The following EXOC6B variants were observed in gnomAD, a reference collection of about 807,000 sequenced individuals.
EXOC6B encodes exocyst complex component 6B, also known as SEC15 homolog B.
EXOC6B carries 54 observed loss-of-function variants against 113.5 expected under a neutral mutation model. The observed-to-expected ratio is 0.48, with a 90% CI of 0.38 to 0.60. The LOEUF (loss-of-function observed/expected upper bound fraction) is 0.60, where lower values mean the gene tolerates loss of function less well. Ranked by LOEUF, EXOC6B falls within the 20% of genes least tolerant of loss-of-function variation. The pLI is 0.00. For synonymous variants in EXOC6B, 357 were observed against 339.0 expected, an observed-to-expected ratio of 1.05 and a Z score of -0.58; for missense variants, 797 against 977.5, an observed-to-expected ratio of 0.82 and a Z score of 2.46.
intron 18 of EXOC6B, among the ~76,000 whole-genome samples, chr2:72,413,481 G>A (rs1391298720): frequency 6.7e-6 from 1 of 150,260 alleles, no homozygotes. Flanking sequence ...AGGTCAGATC[G>A]AGACCATCCT....
intron 6 of EXOC6B, among the ~76,000 whole-genome samples, chr2:72,647,623 C>G (rs558386492): frequency 6.6e-6 from 1 of 152,234 alleles, no homozygotes; most frequent in Admixed American, 6.5e-5. Context: ...AGAAATAACA[C>G]CACACATCTA....
At chr2:72,779,109 C>A (rs1683881436) in intron 1 of EXOC6B, among the ~76,000 whole-genome samples, 1 of 151,782 alleles carries the variant, frequency 6.6e-6, no homozygotes. Context: ...CTTGCTAAAC[C>A]CCAAAACTAC....
At chr2:72,340,707 T>G (rs996797677) in intron 19 of EXOC6B, among the ~76,000 whole-genome samples, 1 of 152,174 alleles carries the variant, frequency 6.6e-6, no homozygotes, top group Non-Finnish European at 1.5e-5. Context: ...AAGATCATGT[T>G]AGGTCACATG....
rs745576828 is a variant in EXOC6B at position 72,718,084 on chromosome 2, T to A, written c.669+19A>T. ...ACTGATAAAGCCACTGGCCAACCTA[T>A]CATAAACCCAAGACCTACTTGCTTC... is the stretch of plus-strand genomic sequence containing the variant. On this transcript the variant is annotated intron_variant, in intron 6 of 21. Transcript: ENST00000272427. 2 of 1,584,088 alleles carry A rather than the reference T, an allele frequency of 1.3e-6. No individual in the cohort carries two copies. The highest frequency in any genetic ancestry group is 1.2e-5 in the South Asian group (1 of 85,034).
chr2:72,580,551 C>T (rs1005996263), intron 6 of EXOC6B, among the ~76,000 whole-genome samples: 1 of 152,168 alleles, frequency 6.6e-6, no homozygotes, highest in Admixed American at 6.5e-5. Context: ...TTTGCATTTA[C>T]ATACATTTCA....
At chr2:72,653,803 T>C (rs1219095811) in intron 6 of EXOC6B, among the ~76,000 whole-genome samples, 2 of 151,932 alleles carry the variant, frequency 1.3e-5, no homozygotes, top group Non-Finnish European at 2.9e-5. Context: ...ATATGCTTCA[T>C]TGGGATACAC....
intron 7 of EXOC6B, among the ~76,000 whole-genome samples, chr2:72,571,738 T>C (rs1282644720): frequency 6.6e-6 from 1 of 152,192 alleles, no homozygotes; most frequent in Non-Finnish European, 1.5e-5. Flanking sequence ...TCATCCTCAG[T>C]TCCCCAGGCT....
At chr2:72,548,678 T>C (rs941011638) in intron 8 of EXOC6B, among the ~76,000 whole-genome samples, 7 of 152,208 alleles carry the variant, frequency 4.6e-5, no homozygotes, top group African/African-American at 1.7e-4. Flanking sequence ...ATTTACTGAT[T>C]ATTACATACT....
intron 20 of EXOC6B, among the ~76,000 whole-genome samples, chr2:72,222,222 T>C (rs369763679): frequency 3.3e-5 from 5 of 152,268 alleles, no homozygotes; most frequent in African/African-American, 4.8e-5. Flanking sequence ...CTAGAAGATA[T>C]AGGGAATACT....
chr2:72,439,319 G>A (rs1401835867), intron 18 of EXOC6B, among the ~76,000 whole-genome samples: 1 of 152,168 alleles, frequency 6.6e-6, no homozygotes, highest in African/African-American at 2.4e-5. Context: ...AAGATACCCT[G>A]AAATACGTTT....
chr2:72,580,135 ATTTT>A (rs1205164863), intron 6 of EXOC6B, among the ~76,000 whole-genome samples: 4 of 93,766 alleles, frequency 4.3e-5, no homozygotes, highest in Middle Eastern at 7.0e-3. Flanking sequence ...AGAAATAAGA[ATTTT>A]TTTTTTTTTT....
At position 72,243,540 on chromosome 2, in the gene EXOC6B, C is replaced by A. The variant is rs1682460393; in HGVS notation, c.2197-59353G>T. Reference sequence around the variant, plus strand: ...TTCTCACTCATAGGTGGGAATGGAACAATGAGAACACCTGGACACAGGGTG... The same window carrying A: ...TTCTCACTCATAGGTGGGAATGGAAAAATGAGAACACCTGGACACAGGGTG... On this transcript the variant is annotated intron_variant, in intron 20 of 21. Transcript: ENST00000272427. 2.6e-5 allele frequency among the ~76,000 whole-genome samples: 4 copies of A among 152,118 alleles called. No individual in the cohort carries two copies. The South Asian group carries it at 8.3e-4, about 32-fold the overall frequency.
chr2:72,478,208 A>G (rs1258422629), intron 17 of EXOC6B, among the ~76,000 whole-genome samples: 2 of 152,216 alleles, frequency 1.3e-5, no homozygotes, highest in Non-Finnish European at 2.9e-5. Context: ...TTTATTATGG[A>G]GTAAATTAAT....
At chr2:72,451,912 A>G (rs1305390596) in intron 18 of EXOC6B, among the ~76,000 whole-genome samples, 1 of 152,244 alleles carries the variant, frequency 6.6e-6, no homozygotes, top group East Asian at 1.9e-4. Flanking sequence ...GACTACCATG[A>G]AAGTATTACA....
chr2:72,540,919 G>A lies in EXOC6B; in HGVS notation c.915+18534C>T, dbSNP rs191047349. 2.0e-3 allele frequency among the ~76,000 whole-genome samples: 305 copies of A among 152,204 alleles called. 1 individual carries two copies. Among genetic ancestry groups the A allele is most frequent in the Admixed American group, 6.1e-3 (93 of 15,284 alleles). ...GGTTTATGACAATGTGTTGCATTTCGTTGTCTTATCTCCTTGGCTTCTTTT... is the reference window on the plus strand; with the variant it reads ...GGTTTATGACAATGTGTTGCATTTCATTGTCTTATCTCCTTGGCTTCTTTT... On this transcript the variant is annotated intron_variant, in intron 8 of 21. Transcript: ENST00000272427.
chr2:72,741,466 A>T lies in EXOC6B; in HGVS notation c.117T>A (p.Ser39=). Residue 39 remains serine (S), a synonymous_variant, in exon 2 of 22, where the codon TCT becomes TCA. Transcript: ENST00000272427. ...GTCCATGTTCTTCACCATCATAAACAGACCTTTAAAAAAAAATGGCACGAA... is the reference window on the plus strand; with the variant it reads ...GTCCATGTTCTTCACCATCATAAACTGACCTTTAAAAAAAAATGGCACGAA... ...DTACIGPTLR[S]VYDGEEHGRF... 1.2e-6 allele frequency: 2 copies of T among 1,601,406 alleles called. No homozygotes were observed. The highest frequency in any genetic ancestry group is 1.7e-6 in the Non-Finnish European group (2 of 1,176,124).
At position 72,266,222 on chromosome 2, in the gene EXOC6B, G is replaced by T. The variant is rs1336674383; in HGVS notation, c.2196+68725C>A. 1.1e-3 allele frequency among the ~76,000 whole-genome samples: 167 copies of T among 150,866 alleles called. 1 individual carries two copies. The highest frequency in any genetic ancestry group is 6.9e-3 in the Middle Eastern group (2 of 288). ...TGTAGGTTGCCTGTTCACTCTGATGGTAGTTTCTTTTGCTGTGCAGAAGCT... is the reference window on the plus strand; with the variant it reads ...TGTAGGTTGCCTGTTCACTCTGATGTTAGTTTCTTTTGCTGTGCAGAAGCT... On this transcript the variant is annotated intron_variant, in intron 20 of 21. Coordinates refer to ENST00000272427, the MANE Select transcript of EXOC6B (RefSeq NM_015189.3).
At chr2:72,698,382 G>A (rs576114139) in intron 6 of EXOC6B, among the ~76,000 whole-genome samples, 2 of 151,970 alleles carry the variant, frequency 1.3e-5, no homozygotes, top group African/African-American at 2.4e-5. Context: ...TAAGGTTATC[G>A]ATAAAGAAAA....
Position 72,583,399 on chromosome 2 carries a change from T to C in EXOC6B, c.670-7731A>G, listed in dbSNP as rs114970063. Among the ~76,000 whole-genome samples, 1,215 of 152,230 alleles carry C rather than the reference T, an allele frequency of 8.0e-3. 16 individuals carry two copies. Among genetic ancestry groups the C allele is most frequent in the African/African-American group, 0.028 (1,164 of 41,524 alleles). On this transcript the variant is annotated intron_variant, in intron 6 of 21. Transcript: ENST00000272427. The stretch of plus-strand genomic sequence containing the variant: ...ACAACATGAACATCATCAAGGCATA[T>C]AGTCAACACACTATCCAAGGTCAAC...
Sources: allele counts gnomAD v4.1 joint callset (sites outside exome capture counted in the v4.1 genomes callset), GRCh38; gene constraint gnomAD v4.1.1; transcripts MANE v1.5; gene names NCBI Gene and HGNC (gene_info 2026-07-23, HGNC 2026-07-21).